The following GPC6 variants were observed in gnomAD, a reference collection of about 807,000 sequenced individuals.
The protein encoded by GPC6 is glypican-6.
A neutral mutation model predicts 55.2 loss-of-function variants in GPC6; 14 were observed. The ratio of observed to expected loss-of-function variants is 0.25; its 90% CI spans 0.17 to 0.40. The LOEUF is 0.40. GPC6 is among the 10% of genes least tolerant of loss of function. The pLI is 1.00. For synonymous variants in GPC6, 278 were observed against 259.6 expected (o/e 1.07, Z -0.68); for missense variants, 641 against 708.5 (o/e 0.90, Z 1.08).
At chr13:93,306,624 A>G (rs1878866528) in intron 1 of GPC6, among the ~76,000 whole-genome samples, 1 of 152,084 alleles carries the variant, frequency 6.6e-6, no homozygotes, top group Non-Finnish European at 1.5e-5. Context: ...ATTTCACTTC[A>G]AATAAATCCT....
chr13:93,396,537 C>G (rs1875865342), intron 1 of GPC6, among the ~76,000 whole-genome samples: 1 of 151,830 alleles, frequency 6.6e-6, no homozygotes, highest in Admixed American at 6.6e-5. Flanking sequence ...CATGATACTC[C>G]AGCCCGGGCA....
rs1880817017 is a variant in GPC6 at position 93,355,566 on chromosome 13, G to A, written c.160+127950G>A. Reference sequence around the variant, plus strand: ...GAGAGATCCACAATAGAACAGTTTGGGATATGGATAGGCAGACAAAGAATT... The same window carrying A: ...GAGAGATCCACAATAGAACAGTTTGAGATATGGATAGGCAGACAAAGAATT... On this transcript the variant is annotated intron_variant, in intron 1 of 8. Coordinates refer to ENST00000377047, the MANE Select transcript of GPC6 (RefSeq NM_005708.5). Among the ~76,000 whole-genome samples the A allele has an allele frequency of 2.0e-5, 3 of 152,260 alleles. No individual in the cohort carries two copies. In the South Asian group the frequency reaches 6.2e-4, roughly 32 times the overall value.
At chr13:93,612,768 A>C (rs1878538974) in intron 2 of GPC6, among the ~76,000 whole-genome samples, 1 of 152,244 alleles carries the variant, frequency 6.6e-6, no homozygotes, top group Non-Finnish European at 1.5e-5. Flanking sequence ...GATGATAATC[A>C]GGAGATTAAA....
At chr13:94,327,326 G>A (rs114960442) in intron 6 of GPC6, among the ~76,000 whole-genome samples, 3 of 152,104 alleles carry the variant, frequency 2.0e-5, no homozygotes, top group Admixed American at 6.5e-5. Context: ...TAATTACAGA[G>A]CATCTCATTG....
chr13:94,006,316 T>C (rs1882017849), intron 3 of GPC6, among the ~76,000 whole-genome samples: 1 of 151,872 alleles, frequency 6.6e-6, no homozygotes, highest in African/African-American at 2.4e-5. Context: ...CGATATTGGG[T>C]GATGTATTGA....
At chr13:93,263,598 C>T (rs1342794049) in intron 1 of GPC6, among the ~76,000 whole-genome samples, 2 of 152,164 alleles carry the variant, frequency 1.3e-5, no homozygotes, top group African/African-American at 4.8e-5. Context: ...CTCCTGACTT[C>T]AGGTGATCCA....
At chr13:93,310,209 C>T (rs1399663124) in intron 1 of GPC6, among the ~76,000 whole-genome samples, 1 of 152,172 alleles carries the variant, frequency 6.6e-6, no homozygotes, top group African/African-American at 2.4e-5. Flanking sequence ...TACAACCTCC[C>T]TCTGCTTCTC....
chr13:93,682,552 C>T (rs993037991), intron 2 of GPC6, among the ~76,000 whole-genome samples: 16 of 152,040 alleles, frequency 1.1e-4, no homozygotes, highest in Middle Eastern at 3.2e-3. Context: ...CCTCTGCACT[C>T]GCAGCTCCAT....
intron 4 of GPC6, among the ~76,000 whole-genome samples, chr13:94,127,160 C>T (rs1265402026): frequency 6.6e-6 from 1 of 152,000 alleles, no homozygotes; most frequent in Non-Finnish European, 1.5e-5. Flanking sequence ...ATTGTTCACT[C>T]TTAAGAGTGG....
intron 1 of GPC6, among the ~76,000 whole-genome samples, chr13:93,535,475 T>A (rs1882020854): frequency 6.6e-6 from 1 of 152,136 alleles, no homozygotes; most frequent in Non-Finnish European, 1.5e-5. Context: ...ACTGCTCTGC[T>A]GTTGTAATGC....
intron 4 of GPC6, among the ~76,000 whole-genome samples, chr13:94,278,034 C>T (rs1486146961): frequency 6.6e-6 from 1 of 152,072 alleles, no homozygotes; most frequent in East Asian, 1.9e-4. Context: ...GGCAGTATGG[C>T]CATTTTCATG....
intron 3 of GPC6, among the ~76,000 whole-genome samples, chr13:93,986,251 TTTTA>T (rs1415302149): frequency 6.6e-6 from 1 of 152,212 alleles, no homozygotes; most frequent in Non-Finnish European, 1.5e-5. Flanking sequence ...TTGCTTATTC[TTTTA>T]TTTATCATTT....
intron 2 of GPC6, among the ~76,000 whole-genome samples, chr13:93,599,329 CA>C (rs961748921): frequency 6.7e-6 from 1 of 149,324 alleles, no homozygotes; most frequent in Non-Finnish European, 1.5e-5. Flanking sequence ...ATAAAGTGAC[CA>C]AAAGTAACGT....
intron 4 of GPC6, among the ~76,000 whole-genome samples, chr13:94,156,584 G>A (rs901997121): frequency 6.6e-6 from 1 of 152,136 alleles, no homozygotes; most frequent in Admixed American, 6.6e-5. Context: ...AAAGAATTCA[G>A]TATCTTTTCT....
intron 6 of GPC6, among the ~76,000 whole-genome samples, chr13:94,381,112 C>T (rs147226442): frequency 8.1e-4 from 123 of 152,270 alleles, no homozygotes; most frequent in Middle Eastern, 3.4e-3. Context: ...GCCAAGTTTC[C>T]ACACTGTAAA....
chr13:93,522,115 G>A (rs867424629), intron 1 of GPC6, among the ~76,000 whole-genome samples: 10 of 151,920 alleles, frequency 6.6e-5, no homozygotes, highest in African/African-American at 2.4e-4. Flanking sequence ...ATCTTTGGTG[G>A]AAAACTAAGC....
At chr13:93,760,429 G>T (rs1371739112) in intron 2 of GPC6, among the ~76,000 whole-genome samples, 1 of 152,134 alleles carries the variant, frequency 6.6e-6, no homozygotes, top group East Asian at 1.9e-4. Flanking sequence ...ATTTTGCCGG[G>T]AGCTAGAAGA....
intron 4 of GPC6, among the ~76,000 whole-genome samples, chr13:94,098,683 G>C (rs1885749877): frequency 2.6e-5 from 4 of 151,886 alleles, no homozygotes; most frequent in Admixed American, 1.3e-4. Context: ...ATGATCTTCT[G>C]AATAGGAAAA....
intron 1 of GPC6, among the ~76,000 whole-genome samples, chr13:93,387,527 C>T (rs1188898488): frequency 5.9e-5 from 9 of 152,150 alleles, no homozygotes; most frequent in Non-Finnish European, 1.0e-4. Flanking sequence ...ATGGCTGCAG[C>T]CTAATTCCAG....
Sources: allele counts gnomAD v4.1 joint callset (sites outside exome capture counted in the v4.1 genomes callset), GRCh38; gene constraint gnomAD v4.1.1; transcripts MANE v1.5; gene names NCBI Gene and HGNC (gene_info 2026-07-23, HGNC 2026-07-21).